LRP1B: variants seen among roughly 807,000 people sequenced by gnomAD.
LRP1B encodes LDL receptor related protein 1B, also known as low-density lipoprotein receptor-related protein 1B.
LRP1B carries 217 observed loss-of-function variants against 556.6 expected under a neutral mutation model. The observed-to-expected ratio is 0.39, with a 90% confidence interval of 0.35 to 0.44. LRP1B has a LOEUF of 0.44. Ranked by LOEUF, LRP1B falls within the 20% of genes least tolerant of loss-of-function variation. The probability of loss-of-function intolerance (pLI) is 1.00; values close to 1 mark genes in which losing one functional copy is unlikely to be tolerated. For missense variants in LRP1B, 5,053 were observed against 5,620.8 expected (o/e 0.90, Z 3.23); for synonymous variants, 2,047 against 1,865.8 (o/e 1.10, Z -2.50).
At position 141,390,802 on chromosome 2, in the gene LRP1B, G is replaced by A. The variant is rs576881367; in HGVS notation, c.343+89594C>T. Reference sequence around the variant, plus strand: ...TGAGGGGAGAATGAAGAACAAGTGCGCAATGCGCTCAAATGTTTTGGAACT... The same window carrying A: ...TGAGGGGAGAATGAAGAACAAGTGCACAATGCGCTCAAATGTTTTGGAACT... On this transcript the variant is annotated intron_variant, in intron 3 of 90. Coordinates refer to ENST00000389484, the MANE Select transcript of LRP1B (RefSeq NM_018557.3). Among the ~76,000 whole-genome samples, 8 of 152,290 alleles carry A rather than the reference G, an allele frequency of 5.3e-5. No individual in the cohort carries two copies. The South Asian group carries it at 8.3e-4, about 16-fold the overall frequency.
Position 140,601,625 on chromosome 2 carries a change from C to T in LRP1B, c.6814G>A (p.Glu2272Lys), listed in dbSNP as rs1279445028. ...QVIVENVGSV[E>K]GLAYHRAWDT... The stretch of plus-strand genomic sequence containing the variant: ...CAGGCTCTGTGATAGGCAAGTCCTT[C>T]CACAGAACCCACATCTAGTGGGGGA... The change falls in exon 42 of 91, where the codon GAA becomes AAA. Residue 2272 changes from glutamate to lysine, a missense_variant. Around this residue, in one of 5 missense-constraint regions of LRP1B, gnomAD observed 3,619 missense variants for 3,931.9 expected, o/e 0.92. Transcript: ENST00000389484. 1 of 1,583,088 alleles carries T rather than the reference C, an allele frequency of 6.3e-7. No homozygotes were observed. The highest frequency in any genetic ancestry group is 2.2e-5 in the East Asian group (1 of 44,452).
At chr2:141,395,217 A>C (rs1690198243) in intron 3 of LRP1B, among the ~76,000 whole-genome samples, 1 of 151,924 alleles carries the variant, frequency 6.6e-6, no homozygotes, top group Admixed American at 6.6e-5. Context: ...TTAACTCACC[A>C]CTCACTCAGT....
chr2:140,819,215 C>T (rs1256262438), intron 31 of LRP1B, among the ~76,000 whole-genome samples: 1 of 140,094 alleles, frequency 7.1e-6, no homozygotes, highest in African/African-American at 2.5e-5. Context: ...TTTATATTTC[C>T]CTTTCAAGCT....
intron 18 of LRP1B, among the ~76,000 whole-genome samples, chr2:140,961,375 G>A (rs1003004295): frequency 2.3e-4 from 35 of 151,948 alleles, no homozygotes; most frequent in African/African-American, 7.5e-4. Context: ...CAAAGCAGTC[G>A]CAATAGCTTC....
At chr2:141,697,484 C>T (rs1270064906) in intron 2 of LRP1B, among the ~76,000 whole-genome samples, 1 of 151,890 alleles carries the variant, frequency 6.6e-6, no homozygotes, top group Admixed American at 6.6e-5. Flanking sequence ...ATCGGGAATA[C>T]AATTTATTTC....
intron 5 of LRP1B, among the ~76,000 whole-genome samples, chr2:141,232,938 G>A (rs1245073723): frequency 2.6e-5 from 4 of 152,206 alleles, no homozygotes; most frequent in Admixed American, 2.0e-4. Flanking sequence ...TGTATTTCAA[G>A]TTGAAACTGG....
intron 2 of LRP1B, among the ~76,000 whole-genome samples, chr2:141,518,647 G>A (rs1313102573): frequency 1.3e-5 from 2 of 152,106 alleles, no homozygotes; most frequent in African/African-American, 4.8e-5. Context: ...AGTGGTGATA[G>A]AATAAAAGAG....
Position 141,201,257 on chromosome 2 carries a change from T to C in LRP1B, c.851-12674A>G, listed in dbSNP as rs114130874. 6.9e-3 allele frequency among the ~76,000 whole-genome samples: 1,050 copies of C among 152,298 alleles called. 10 individuals carry two copies. The highest frequency in any genetic ancestry group is 0.023 in the African/African-American group (966 of 41,562). On this transcript the variant is annotated intron_variant, in intron 6 of 90. Coordinates refer to ENST00000389484, the MANE Select transcript of LRP1B (RefSeq NM_018557.3). Reference sequence around the variant, plus strand: ...GCTAAGAAAGCAAAGATCAAAATAATGTTCTGACAAAATGTCGTACTAAGG... The same window carrying C: ...GCTAAGAAAGCAAAGATCAAAATAACGTTCTGACAAAATGTCGTACTAAGG...
Position 140,994,071 on chromosome 2 carries a change from G to A in LRP1B, c.2568C>T (p.His856=), listed in dbSNP as rs371559576. 3 of 1,612,684 alleles carry A rather than the reference G, an allele frequency of 1.9e-6. No individual in the cohort carries two copies. The East Asian group carries it at 6.7e-5, about 36-fold the overall frequency. ...KAGEFRCKNR[H]CIQARWKCDG... ...CACATTTCCACCGAGCTTGGATACA[G>A]TGTCTGTTTTTGCAGCGAAACTCTC... The change falls in exon 16 of 91, where the codon CAC becomes CAT. Residue 856 remains histidine (H), a synonymous_variant. Transcript: ENST00000389484.
rs1690363684 is a variant in LRP1B, at chr2:140,797,644, G to A, written c.5359+16013C>T. On this transcript the variant is annotated intron_variant, in intron 32 of 90. Coordinates refer to ENST00000389484, the MANE Select transcript of LRP1B (RefSeq NM_018557.3). ...TAAATGTTATAGATCACTATTTTTT[G>A]CTCATTGTAAATATATGCATAAATT... 2.0e-5 allele frequency among the ~76,000 whole-genome samples: 3 copies of A among 151,712 alleles called. No homozygotes were observed. In the South Asian group the frequency reaches 6.2e-4, roughly 31 times the overall value.
At chr2:140,661,833 A>G (rs1434311000) in intron 41 of LRP1B, among the ~76,000 whole-genome samples, 1 of 152,180 alleles carries the variant, frequency 6.6e-6, no homozygotes. Context: ...TATGATACAC[A>G]CTAAGTATAT....
intron 2 of LRP1B, among the ~76,000 whole-genome samples, chr2:141,697,871 G>T (rs1691786469): frequency 6.6e-6 from 1 of 151,952 alleles, no homozygotes; most frequent in African/African-American, 2.4e-5. Flanking sequence ...ACAGCACTCA[G>T]CACTGTTGTA....
At chr2:140,950,973 G>A (rs1362671369) in intron 19 of LRP1B, among the ~76,000 whole-genome samples, 1 of 151,938 alleles carries the variant, frequency 6.6e-6, no homozygotes, top group African/African-American at 2.4e-5. Flanking sequence ...CTTGACTTTG[G>A]ATTTTGAAGC....
At chr2:140,244,341 A>G (rs1274350561) in intron 87 of LRP1B, among the ~76,000 whole-genome samples, 4 of 151,360 alleles carry the variant, frequency 2.6e-5, no homozygotes, top group South Asian at 2.1e-4. Flanking sequence ...TCTTGCCCCT[A>G]TTGTCACTAT....
chr2:141,077,483 T>C (rs989268632), intron 7 of LRP1B, among the ~76,000 whole-genome samples: 1 of 152,208 alleles, frequency 6.6e-6, no homozygotes, highest in Non-Finnish European at 1.5e-5. Context: ...ATATTCAGTT[T>C]ATGTGTTAAT....
chr2:141,449,335 A>G (rs1476890562), intron 3 of LRP1B, among the ~76,000 whole-genome samples: 1 of 152,218 alleles, frequency 6.6e-6, no homozygotes, highest in African/African-American at 2.4e-5. Context: ...GTTGCATGCA[A>G]ATGTGAATAA....
chr2:141,846,855 T>TA (rs1306516224), intron 1 of LRP1B, among the ~76,000 whole-genome samples: 2 of 151,614 alleles, frequency 1.3e-5, no homozygotes, highest in East Asian at 3.9e-4. Context: ...AAATGTTTTT[T>TA]AAAAAATTCT....
intron 35 of LRP1B, among the ~76,000 whole-genome samples, chr2:140,723,268 A>G (rs1687478612): frequency 6.6e-6 from 1 of 152,166 alleles, no homozygotes; most frequent in Admixed American, 6.5e-5. Flanking sequence ...AAAAATAAAT[A>G]TGACGAACAA....
intron 43 of LRP1B, among the ~76,000 whole-genome samples, chr2:140,591,124 A>T (rs1213589934): frequency 6.6e-6 from 1 of 152,226 alleles, no homozygotes; most frequent in Non-Finnish European, 1.5e-5. Context: ...CTTAAAATAT[A>T]CTGAAATCAA....
Sources: gnomAD v4.1 joint callset for allele counts (sites outside exome capture counted in the v4.1 genomes callset) on GRCh38, gnomAD v4.1.1 for gene constraint, gnomAD v4.1.1 regional missense constraint, MANE v1.5 for transcripts, NCBI Gene and HGNC (gene_info 2026-07-23, HGNC 2026-07-21) for gene names.